The following TLE4 variants were observed in gnomAD, a reference collection of about 807,000 sequenced individuals.
TLE4 encodes TLE family member 4, transcriptional corepressor.
In TLE4, 8 loss-of-function variants were observed where a neutral mutation model predicts 92.8. The observed-to-expected ratio is 0.09, with a 90% CI of 0.05 to 0.16. TLE4 has a LOEUF of 0.16. Ranked by LOEUF, TLE4 falls within the 10% of genes least tolerant of loss-of-function variation. The pLI is 1.00. For missense variants in TLE4, 675 were observed against 997.6 expected, an observed-to-expected ratio of 0.68 and a Z score of 4.36; for synonymous variants, 371 against 374.1, an observed-to-expected ratio of 0.99 and a Z score of 0.10.
intron 4 of TLE4, among the ~76,000 whole-genome samples, chr9:79,586,522 G>A (rs1038636521): frequency 6.6e-6 from 1 of 152,174 alleles, no homozygotes; most frequent in African/African-American, 2.4e-5. Flanking sequence ...ATCTAAGGTA[G>A]GTGTCAGTTT....
At chr9:79,606,484 G>A (rs371237037) in intron 4 of TLE4, among the ~76,000 whole-genome samples, 7 of 150,782 alleles carry the variant, frequency 4.6e-5, no homozygotes, top group East Asian at 2.0e-4. Context: ...CCATCAACTC[G>A]TCATTTACAT....
In TLE4 at chr9:79,708,748, G is replaced by A. The variant is rs778935929; in HGVS notation, c.1225G>A (p.Ala409Thr). 5.0e-6 allele frequency: 8 copies of A among 1,608,352 alleles called. No individual in the cohort carries two copies. The Middle Eastern group carries it at 5.0e-4, about 100-fold the overall frequency. ...CCCTCAGATGAGCGCAGCTGCTGCC[G>A]CCGCCGCTGCTGCTGCTGCCTATGG... Reference protein sequence around the residue: ...ISPQMSAAAAAAAAAAAYGRS... With the variant: ...ISPQMSAAAATAAAAAAYGRS... The change falls in exon 13 of 20, where the codon GCC becomes ACC. Residue 409 changes from alanine to threonine, a missense_variant. Around this residue, in one of 5 missense-constraint regions of TLE4, gnomAD observed 119 missense variants for 175.9 expected, o/e 0.68. Coordinates refer to ENST00000376552, the MANE Select transcript of TLE4 (RefSeq NM_007005.6).
At chr9:79,603,421 C>G (rs1484996226) in intron 4 of TLE4, among the ~76,000 whole-genome samples, 1 of 152,112 alleles carries the variant, frequency 6.6e-6, no homozygotes, top group Non-Finnish European at 1.5e-5. Context: ...AGCCAAAACC[C>G]TCTGTCAGCA....
chr9:79,662,424 T>A (rs1481218334), intron 8 of TLE4, among the ~76,000 whole-genome samples: 5 of 152,210 alleles, frequency 3.3e-5, no homozygotes, highest in Non-Finnish European at 7.3e-5. Flanking sequence ...CTTATGGTCA[T>A]TTTAATTATT....
chr9:79,668,230 A>G (rs992266899), intron 8 of TLE4, among the ~76,000 whole-genome samples: 2 of 152,220 alleles, frequency 1.3e-5, no homozygotes, highest in African/African-American at 4.8e-5. Context: ...TGAAGGATTC[A>G]TGCTTGTTGC....
At chr9:79,664,945 T>G in intron 8 of TLE4, among the ~76,000 whole-genome samples, 1 of 152,104 alleles carries the variant, frequency 6.6e-6, no homozygotes, top group Non-Finnish European at 1.5e-5. Context: ...TGGGGAGAAA[T>G]GAAAGAAGAA....
intron 4 of TLE4, among the ~76,000 whole-genome samples, chr9:79,585,981 C>T (rs922624638): frequency 6.6e-6 from 1 of 152,020 alleles, no homozygotes; most frequent in East Asian, 1.9e-4. Flanking sequence ...AGAAGTAGAG[C>T]AATTTTCATA....
intron 6 of TLE4, among the ~76,000 whole-genome samples, chr9:79,647,595 G>T (rs1469070238): frequency 6.6e-6 from 1 of 151,998 alleles, no homozygotes; most frequent in Non-Finnish European, 1.5e-5. Flanking sequence ...GAAACATCTG[G>T]AAGAAAATAG....
chr9:79,710,296 A>C (rs557079603), intron 14 of TLE4, among the ~76,000 whole-genome samples: 2 of 152,300 alleles, frequency 1.3e-5, no homozygotes, highest in South Asian at 4.1e-4. Flanking sequence ...ACCTAATCAC[A>C]GTTGTCTCTG....
chr9:79,607,811 A>G (rs918675107), intron 4 of TLE4, among the ~76,000 whole-genome samples: 10 of 151,868 alleles, frequency 6.6e-5, no homozygotes, highest in Non-Finnish European at 1.3e-4. Flanking sequence ...GCCTTGTAGT[A>G]TAGTTTGAAA....
intron 19 of TLE4, among the ~76,000 whole-genome samples, 188 bp from the exon 20 acceptor site, chr9:79,724,849 T>TAAAAA (rs947971071): frequency 0.23 from 5,915 of 25,624 alleles, 2,332 homozygotes; most frequent in Non-Finnish European, 0.29. Context: ...CCTGTCTTAT[T>TAAAAA]AAAAAAAAAA....
chr9:79,592,265 TC>T (rs2042875121), intron 4 of TLE4, among the ~76,000 whole-genome samples: 1 of 148,174 alleles, frequency 6.7e-6, no homozygotes, highest in South Asian at 2.1e-4. Flanking sequence ...TCTTCTTTCT[TC>T]TTCTTCTTCT....
chr9:79,638,018 A>G (rs2056332778), intron 6 of TLE4, among the ~76,000 whole-genome samples: 1 of 152,168 alleles, frequency 6.6e-6, no homozygotes, highest in Non-Finnish European at 1.5e-5. Context: ...TAGACAAAAA[A>G]TATTTGCCCG....
rs998827368 is a variant in TLE4, at chr9:79,726,694, T to C, written c.*1550T>C. The C allele has an allele frequency of 6.6e-6, 1 of 152,660 alleles. No individual in the cohort carries two copies. The highest frequency in any genetic ancestry group is 1.5e-5 in the Non-Finnish European group (1 of 68,044). 9.5% of individuals were successfully genotyped at this position (152,660 alleles called of 1,614,324 possible). A position where few individuals can be genotyped will look rare whatever the true frequency, so the allele number is the denominator to read the frequency against. ...CCACCAGTACTTCTATAATGGTAGA[T>C]TGTTTGTGAATTCAGACTTTTAAGC... On this transcript the variant is annotated 3_prime_UTR_variant, in exon 20 of 20. Coordinates refer to ENST00000376552, the MANE Select transcript of TLE4 (RefSeq NM_007005.6).
chr9:79,596,631 A>G (rs1288354056), intron 4 of TLE4, among the ~76,000 whole-genome samples: 1 of 109,826 alleles, frequency 9.1e-6, no homozygotes, highest in Non-Finnish European at 2.0e-5. Context: ...CTTAATTGAG[A>G]GACAGAAAGA....
In TLE4 at chr9:79,696,684, C is replaced by A. The variant is rs1243430410; in HGVS notation, c.610-8099C>A. 2.6e-5 allele frequency among the ~76,000 whole-genome samples: 4 copies of A among 152,054 alleles called. No individual in the cohort carries two copies. The East Asian group carries it at 7.7e-4, about 29-fold the overall frequency. On this transcript the variant is annotated intron_variant, in intron 8 of 19. Transcript: ENST00000376552. ...AAAAATAGCAACATGAAAAGACTTT[C>A]TTTTCTAATAAATGTTAATAGTTAC...
intron 6 of TLE4, among the ~76,000 whole-genome samples, chr9:79,650,586 G>A (rs1308837885): frequency 6.6e-6 from 1 of 152,142 alleles, no homozygotes; most frequent in African/African-American, 2.4e-5. Context: ...AATTTTGTGT[G>A]CATACTTTTT....
At chr9:79,606,354 C>G (rs1229598729) in intron 4 of TLE4, among the ~76,000 whole-genome samples, 1 of 137,784 alleles carries the variant, frequency 7.3e-6, no homozygotes, top group East Asian at 2.1e-4. Context: ...TTAAGAATAC[C>G]TAAGATTAGT....
At chr9:79,696,355 A>G (rs1229093881) in intron 8 of TLE4, among the ~76,000 whole-genome samples, 1 of 152,178 alleles carries the variant, frequency 6.6e-6, no homozygotes, top group Admixed American at 6.5e-5. Flanking sequence ...TAACTTTAAT[A>G]TTTTAATGAA....
Sources: allele counts gnomAD v4.1 joint callset (sites outside exome capture counted in the v4.1 genomes callset), GRCh38; gene constraint gnomAD v4.1.1; regional missense constraint gnomAD v4.1.1; transcripts MANE v1.5; gene names NCBI Gene and HGNC (gene_info 2026-07-23, HGNC 2026-07-21).